The following ATAD2B variants were observed in gnomAD, a reference collection of about 807,000 sequenced individuals.
The protein encoded by ATAD2B is ATPase family AAA domain-containing protein 2B.
In ATAD2B, 40 loss-of-function variants were observed where a neutral mutation model predicts 167.6. The observed-to-expected ratio is 0.24, with a 90% CI of 0.19 to 0.31. The LOEUF (loss-of-function observed/expected upper bound fraction) is 0.31. ATAD2B is among the 10% of genes least tolerant of loss of function. The probability of loss-of-function intolerance (pLI) is 1.00; values close to 1 mark genes in which losing one functional copy is unlikely to be tolerated. For synonymous variants in ATAD2B, 579 were observed against 596.5 expected, an observed-to-expected ratio of 0.97 and a Z score of 0.43; for missense variants, 1,242 against 1,757.2, an observed-to-expected ratio of 0.71 and a Z score of 5.24.
At chr2:23,737,596 G>A in the ATAD2B span, among the ~76,000 whole-genome samples, 1 of 152,026 alleles carries the variant, frequency 6.6e-6, no homozygotes, top group African/African-American at 2.4e-5. Flanking sequence ...AAAGATGGGG[G>A]AAAAAACAGA....
At chr2:23,887,538 C>G (rs1698870741) in intron 4 of ATAD2B, among the ~76,000 whole-genome samples, 1 of 152,094 alleles carries the variant, frequency 6.6e-6, no homozygotes, top group Non-Finnish European at 1.5e-5. Flanking sequence ...CCTCTCCAGG[C>G]TATTGTAAAG....
chr2:23,915,749 G>T (rs1702965452), intron 1 of ATAD2B, among the ~76,000 whole-genome samples: 1 of 151,648 alleles, frequency 6.6e-6, no homozygotes. Flanking sequence ...GTGCCACCAA[G>T]CCCAGCTAAT....
chr2:23,784,629 G>A (rs1204080163), intron 21 of ATAD2B, among the ~76,000 whole-genome samples: 3 of 152,126 alleles, frequency 2.0e-5, no homozygotes, highest in Admixed American at 2.0e-4. Flanking sequence ...AAGTTGAGTT[G>A]GGGGCAAGCC....
chr2:23,808,179 T>TTA (rs1156767470), intron 18 of ATAD2B, among the ~76,000 whole-genome samples: 25 of 133,434 alleles, frequency 1.9e-4, no homozygotes, highest in South Asian at 4.4e-4. Context: ...TGATATATAT[T>TTA]TATATATATA....
intron 1 of ATAD2B, among the ~76,000 whole-genome samples, chr2:23,899,072 C>T (rs1280208818): frequency 3.3e-5 from 5 of 151,922 alleles, no homozygotes; most frequent in South Asian, 2.1e-4. Context: ...TGCTTGAATC[C>T]GGGAGGCGGA....
the ATAD2B span, among the ~76,000 whole-genome samples, chr2:23,714,396 C>A: frequency 1.5e-5 from 2 of 131,894 alleles, no homozygotes; most frequent in African/African-American, 5.2e-5. Context: ...CCCACCACCA[C>A]GCCCGGCAAA....
At chr2:23,909,465 CAT>C (rs201333395) in intron 1 of ATAD2B, among the ~76,000 whole-genome samples, 83 of 151,254 alleles carry the variant, frequency 5.5e-4, no homozygotes, top group Middle Eastern at 3.4e-3. Flanking sequence ...CACACACACA[CAT>C]ACATATATAT....
intron 20 of ATAD2B, 105 bp from the exon 21 acceptor site, chr2:23,786,328 T>A: frequency 1.0e-6 from 1 of 954,756 alleles, no homozygotes; most frequent in South Asian, 1.8e-5. Context: ...ACAAATACAG[T>A]CATGTGTTGC....
intron 8 of ATAD2B, among the ~76,000 whole-genome samples, chr2:23,871,447 C>G (rs1695968635): frequency 6.6e-6 from 1 of 152,228 alleles, no homozygotes; most frequent in African/African-American, 2.4e-5. Flanking sequence ...CGAGCACCCA[C>G]TGACTCAGAG....
the ATAD2B span, among the ~76,000 whole-genome samples, chr2:23,692,426 C>T: frequency 3.3e-5 from 5 of 152,350 alleles, no homozygotes; most frequent in South Asian, 6.2e-4. Flanking sequence ...GATGCTACCC[C>T]GCATGGGCGA....
intron 13 of ATAD2B, among the ~76,000 whole-genome samples, chr2:23,850,025 C>A (rs1435393244): frequency 6.6e-6 from 1 of 151,634 alleles, no homozygotes; most frequent in Non-Finnish European, 1.5e-5. Flanking sequence ...CCTCTGTAGT[C>A]CCAGCTACTC....
In ATAD2B at chr2:23,788,444, C is replaced by CT. The variant is rs1681150361; in HGVS notation, c.2776+67dup. On this transcript the variant is annotated intron_variant, in intron 20 of 27. Transcript: ENST00000238789. ...TCCAAGAAGAAAGGGCTAAAATAAACTGACTCCAAGAAAGGGTATTTCTTA... is the reference window on the plus strand; with the variant it reads ...TCCAAGAAGAAAGGGCTAAAATAAACTTGACTCCAAGAAAGGGTATTTCTTA... The CT allele has an allele frequency of 6.6e-6, 10 of 1,518,162 alleles. No individual in the cohort carries two copies. In the Middle Eastern group the frequency reaches 1.4e-3, roughly 214 times the overall value. 94.0% of individuals were successfully genotyped at this position (1,518,162 alleles called of 1,614,324 possible). A position where few individuals can be genotyped will look rare whatever the true frequency, so the allele number is the denominator to read the frequency against.
At chr2:23,825,602 T>A (rs1688130673) in intron 15 of ATAD2B, among the ~76,000 whole-genome samples, 1 of 152,196 alleles carries the variant, frequency 6.6e-6, no homozygotes, top group African/African-American at 2.4e-5. Context: ...GTAATCTAAG[T>A]ATATGATTAT....
chr2:23,691,360 C>G, the ATAD2B span: 1 of 399,682 alleles, frequency 2.5e-6, no homozygotes, highest in Middle Eastern at 7.6e-4. Context: ...TGGGCTGAAC[C>G]GTATTGTTTC....
At chr2:23,892,554 C>T (rs1699686966) in intron 2 of ATAD2B, among the ~76,000 whole-genome samples, 2 of 151,880 alleles carry the variant, frequency 1.3e-5, no homozygotes, top group Admixed American at 1.3e-4. Context: ...TAACTGCAAC[C>T]TCTGTCTCCC....
intron 18 of ATAD2B, among the ~76,000 whole-genome samples, chr2:23,798,666 A>G (rs893611074): frequency 1.3e-5 from 2 of 152,180 alleles, no homozygotes; most frequent in Non-Finnish European, 2.9e-5. Flanking sequence ...TATGCTGCAA[A>G]TAAAGAGATA....
intron 9 of ATAD2B, 44 bp downstream of exon 9, chr2:23,869,619 T>C: frequency 7.2e-7 from 1 of 1,389,004 alleles, no homozygotes; most frequent in Non-Finnish European, 1.0e-6. Flanking sequence ...AAACTTATTT[T>C]TCCTTTTTTC....
In ATAD2B at chr2:23,750,476, G is replaced by A. The variant is rs1385869540; in HGVS notation, c.*1570C>T. 2 of 152,080 alleles carry A rather than the reference G, an allele frequency of 1.3e-5. No individual in the cohort carries two copies. The highest frequency in any genetic ancestry group is 6.6e-5 in the Admixed American group (1 of 15,242). 9.4% of individuals were successfully genotyped at this position (152,080 alleles called of 1,614,324 possible). A position where few individuals can be genotyped will look rare whatever the true frequency, so the allele number is the denominator to read the frequency against. ...AGTACCTTAGCTTCAGGATGTAAAC[G>A]GTGGCAAAGTGATTACAAGACTCTG... On this transcript the variant is annotated 3_prime_UTR_variant, in exon 28 of 28. Transcript: ENST00000238789.
chr2:23,805,617 G>A (rs1684245318), intron 18 of ATAD2B, among the ~76,000 whole-genome samples: 1 of 151,942 alleles, frequency 6.6e-6, no homozygotes, highest in Non-Finnish European at 1.5e-5. Flanking sequence ...CCTAAACATA[G>A]AATTCCTGGG....
Sources: gnomAD v4.1 joint callset for allele counts (sites outside exome capture counted in the v4.1 genomes callset) on GRCh38, gnomAD v4.1.1 for gene constraint, MANE v1.5 for transcripts, NCBI Gene and HGNC (gene_info 2026-07-23, HGNC 2026-07-21) for gene names.